The following VPS29 variants were observed in gnomAD, a reference collection of about 807,000 sequenced individuals.
The protein encoded by VPS29 is vacuolar protein sorting-associated protein 29.
In VPS29, 2 loss-of-function variants were observed where a neutral mutation model predicts 20.0. The ratio of observed to expected loss-of-function variants is 0.10; its 90% CI spans 0.04 to 0.31. The LOEUF is 0.31. Ranked by LOEUF, VPS29 falls within the 10% of genes least tolerant of loss-of-function variation. The pLI is 1.00. For synonymous variants in VPS29, 81 were observed against 79.3 expected (o/e 1.02, Z -0.12); for missense variants, 120 against 215.3 (o/e 0.56, Z 2.77).
intron 2 of VPS29, among the ~76,000 whole-genome samples, chr12:110,495,007 A>G (rs139342016): frequency 4.8e-4 from 73 of 152,362 alleles, no homozygotes; most frequent in African/African-American, 1.7e-3. Context: ...GGCGTGAGCC[A>G]CCGTACCCGG....
intron 2 of VPS29, among the ~76,000 whole-genome samples, chr12:110,495,078 G>T (rs2062882753): frequency 6.6e-6 from 1 of 152,084 alleles, no homozygotes; most frequent in Non-Finnish European, 1.5e-5. Context: ...TTTACACAAA[G>T]TAAAATCTTA....
At chr12:110,496,420 T>C (rs1353081740) in intron 1 of VPS29, 2 of 428,482 alleles carry the variant, frequency 4.7e-6, no homozygotes, top group East Asian at 3.4e-5. Flanking sequence ...TCATCATTGA[T>C]TGTATCATGA....
chr12:110,491,969 GA>G lies in VPS29; in HGVS notation c.*35del. On this transcript the variant is annotated 3_prime_UTR_variant, in exon 4 of 4. Transcript: ENST00000549578. ...AATTACTTGATTTCAACAGGACAAT[GA>G]AAAAAAACCAAAAATCATCAAGACA... The G allele has an allele frequency of 2.6e-6, 4 of 1,517,314 alleles. No homozygotes were observed. Among genetic ancestry groups the G allele is most frequent in the Non-Finnish European group, 2.7e-6 (3 of 1,098,556 alleles). The allele number at this position is 1,517,314 out of a possible 1,614,324, so 94.0% of individuals were successfully genotyped here. A position where few individuals can be genotyped will look rare whatever the true frequency, so the allele number is the denominator to read the frequency against.
intron 1 of VPS29, chr12:110,497,035 C>G (rs1011152618): frequency 1.3e-5 from 2 of 151,850 alleles, no homozygotes; most frequent in African/African-American, 4.8e-5. Flanking sequence ...CACAATCTTT[C>G]ATGTATATTA....
chr12:110,501,307 G>A (rs1045480513), intron 1 of VPS29: 5 of 1,390,714 alleles, frequency 3.6e-6, no homozygotes, highest in Non-Finnish European at 4.9e-6. Context: ...AAGGTGGCTG[G>A]GGGAGACTAG....
At chr12:110,495,788 T>C (rs896168904) in intron 2 of VPS29, among the ~76,000 whole-genome samples, 1 of 152,034 alleles carries the variant, frequency 6.6e-6, no homozygotes, top group Non-Finnish European at 1.5e-5. Flanking sequence ...TTATTCAGTA[T>C]CTATTTAGTT....
At chr12:110,500,544 A>G (rs2062992861) in intron 1 of VPS29, among the ~76,000 whole-genome samples, 1 of 152,184 alleles carries the variant, frequency 6.6e-6, no homozygotes, top group Admixed American at 6.5e-5. Flanking sequence ...TGCACCATAA[A>G]TCTCTGGCTG....
chr12:110,495,917 C>G lies in VPS29; in HGVS notation c.195+95G>C. The G allele has an allele frequency of 2.6e-6, 3 of 1,157,078 alleles. 1 individual carries two copies. Among genetic ancestry groups the G allele is most frequent in the East Asian group, 5.3e-5 (2 of 37,898 alleles). 71.7% of individuals were successfully genotyped at this position (1,157,078 alleles called of 1,614,324 possible). ...AAGAAAAAGGGAAAAAAAAAAAAAC[C>G]TTACCAGTTGAGAAACCCTGGTCTA... On this transcript the variant is annotated intron_variant, in intron 2 of 3. Transcript: ENST00000549578.
chr12:110,495,794 T>C (rs2062897287), intron 2 of VPS29, among the ~76,000 whole-genome samples: 1 of 152,050 alleles, frequency 6.6e-6, no homozygotes, highest in South Asian at 2.1e-4. Context: ...AGTATCTATT[T>C]AGTTAGAATA....
intron 1 of VPS29, chr12:110,499,653 GA>G (rs997999944): frequency 4.1e-6 from 3 of 736,784 alleles, no homozygotes; most frequent in Non-Finnish European, 6.5e-6. Flanking sequence ...AAAAAAAAAA[GA>G]GAACAAAAAA....
intron 1 of VPS29, 175 bp downstream of exon 1, chr12:110,501,874 G>GC (rs1346236545): frequency 4.8e-6 from 7 of 1,466,134 alleles, no homozygotes; most frequent in Non-Finnish European, 6.5e-6. Context: ...CCCAGAGGTG[G>GC]CCGCTCCCTT....
intron 1 of VPS29, among the ~76,000 whole-genome samples, chr12:110,497,179 T>C (rs2062919643): frequency 1.3e-5 from 2 of 150,912 alleles, no homozygotes; most frequent in Admixed American, 6.6e-5. Flanking sequence ...ACCCCAATCC[T>C]GTAAAATTTT....
intron 2 of VPS29, 130 bp from the exon 3 acceptor site, chr12:110,493,361 CATT>C: frequency 1.8e-6 from 1 of 566,800 alleles, no homozygotes; most frequent in African/African-American, 2.2e-5. Context: ...CACATTTATA[CATT>C]TTTTTTTTTT....
chr12:110,502,080 C>T lies in VPS29; in HGVS notation c.-29G>A. 1 of 1,607,740 alleles carries T rather than the reference C, an allele frequency of 6.2e-7. No homozygotes were observed. The highest frequency in any genetic ancestry group is 8.5e-7 in the Non-Finnish European group (1 of 1,177,260). ...GTCACCGGGCTCCGCTCAGTCACCA[C>T]CACCGTCGCCGCCCTCTTCCTCAGG... On this transcript the variant is annotated 5_prime_UTR_variant, in exon 1 of 4. The change creates a new upstream start codon in the 5' untranslated region. Transcript: ENST00000549578.
At chr12:110,492,859 A>T in intron 3 of VPS29, 137 bp downstream of exon 3, 1 of 775,472 alleles carries the variant, frequency 1.3e-6, no homozygotes, top group East Asian at 2.7e-5. Flanking sequence ...CCTGGGCTCA[A>T]GCAACCTGCC....
intron 1 of VPS29, chr12:110,499,633 A>G: frequency 9.8e-7 from 1 of 1,019,708 alleles, no homozygotes; most frequent in South Asian, 1.5e-5. Context: ...AAGCAACAAA[A>G]AGAAACCAAA....
At chr12:110,492,156 TA>T in intron 3 of VPS29, 34 bp from the exon 4 acceptor site, 2 of 1,499,548 alleles carry the variant, frequency 1.3e-6, no homozygotes, top group Non-Finnish European at 1.8e-6. Flanking sequence ...CAGTGTTTTG[TA>T]GCACAAAGCA....
chr12:110,499,969 A>G (rs1371771768), intron 1 of VPS29, among the ~76,000 whole-genome samples: 1 of 152,208 alleles, frequency 6.6e-6, no homozygotes, highest in Non-Finnish European at 1.5e-5. Context: ...TGAAAGGCTA[A>G]CATTTTCTGG....
intron 2 of VPS29, among the ~76,000 whole-genome samples, chr12:110,495,010 G>A (rs1475799273): frequency 1.3e-5 from 2 of 152,150 alleles, no homozygotes; most frequent in Non-Finnish European, 2.9e-5. Flanking sequence ...GTGAGCCACC[G>A]TACCCGGCCC....
Sources: allele counts gnomAD v4.1 joint callset (sites outside exome capture counted in the v4.1 genomes callset), GRCh38; gene constraint gnomAD v4.1.1; transcripts MANE v1.5; gene names NCBI Gene and HGNC (gene_info 2026-07-23, HGNC 2026-07-21).